Variants in NSF observed in about 807,000 individuals in gnomAD.
NSF encodes the protein N-ethylmaleimide sensitive factor, vesicle fusing ATPase.
NSF carries 14 observed loss-of-function variants against 50.3 expected under a neutral mutation model. That is an observed-to-expected ratio of 0.28 (90% CI 0.18 to 0.44). NSF has a LOEUF of 0.44. Among genes scored for constraint, NSF ranks in the 20% least tolerant of loss-of-function variants. NSF has a pLI of 1.00. For synonymous variants in NSF, 109 were observed against 175.7 expected, an observed-to-expected ratio of 0.62 and a Z score of 3.00; for missense variants, 218 against 504.3, an observed-to-expected ratio of 0.43 and a Z score of 5.44.
chr17:46,755,682 T>G, intron 20 of NSF, 120 bp from the exon 21 acceptor site: 2 of 1,100,110 alleles, frequency 1.8e-6, no homozygotes, highest in Non-Finnish European at 2.6e-6. Context: ...AGCAAATGCA[T>G]AGTGGGAAAT....
At chr17:46,736,382 G>C (rs1598728996) in intron 17 of NSF, among the ~76,000 whole-genome samples, 1 of 152,174 alleles carries the variant, frequency 6.6e-6, no homozygotes, top group East Asian at 1.9e-4. Flanking sequence ...CAACAAAGTG[G>C]TGCTTCACAG....
At chr17:46,722,772 A>G (rs2058845731) in intron 15 of NSF, among the ~76,000 whole-genome samples, 1 of 152,144 alleles carries the variant, frequency 6.6e-6, no homozygotes, top group African/African-American at 2.4e-5. Flanking sequence ...ATGTGTGTGT[A>G]TGTATGTATT....
chr17:46,738,334 A>G (rs1447864059), intron 17 of NSF, among the ~76,000 whole-genome samples: 1 of 152,226 alleles, frequency 6.6e-6, no homozygotes, highest in Admixed American at 6.5e-5. Context: ...ACTGGAGGGA[A>G]GAATAGAAAT....
At chr17:46,709,392 T>G (rs1396967949) in intron 13 of NSF, among the ~76,000 whole-genome samples, 1 of 152,080 alleles carries the variant, frequency 6.6e-6, no homozygotes, top group African/African-American at 2.4e-5. Context: ...ACGTTATATA[T>G]CTTGGGAGAG....
chr17:46,709,450 G>A (rs2058695892), intron 13 of NSF, among the ~76,000 whole-genome samples: 1 of 151,680 alleles, frequency 6.6e-6, no homozygotes, highest in Non-Finnish European at 1.5e-5. Context: ...TGTGAGGCTT[G>A]GAGTATATAA....
intron 15 of NSF, among the ~76,000 whole-genome samples, chr17:46,716,423 A>AT (rs2058770135): frequency 6.6e-6 from 1 of 151,710 alleles, no homozygotes; most frequent in Non-Finnish European, 1.5e-5. Context: ...TGCCTGGCTA[A>AT]TTTTTTTGTA....
At chr17:46,713,439 C>T (rs1425644476) in intron 14 of NSF, 1 of 158,398 alleles carries the variant, frequency 6.3e-6, no homozygotes, top group Non-Finnish European at 1.4e-5. Flanking sequence ...ACATTTGCTT[C>T]TAATAAGGCA....
chr17:46,735,129 A>G (rs2058987883), intron 17 of NSF, among the ~76,000 whole-genome samples: 1 of 152,324 alleles, frequency 6.6e-6, no homozygotes, highest in East Asian at 1.9e-4. Flanking sequence ...ATAAAATCAA[A>G]TTTTCAAAAT....
At chr17:46,707,999 C>T (rs939051965) in intron 13 of NSF, among the ~76,000 whole-genome samples, 13 of 149,144 alleles carry the variant, frequency 8.7e-5, no homozygotes, top group Non-Finnish European at 1.5e-4. Flanking sequence ...TGCCACTGCA[C>T]GCCAGCCTGG....
Position 46,726,611 on chromosome 17 carries a change from G to A in NSF, c.1824G>A (p.Leu608=). Residue 608 remains leucine, a synonymous_variant, in exon 16 of 21, where the codon TTG becomes TTA. Coordinates refer to ENST00000398238, the MANE Select transcript of NSF (RefSeq NM_006178.4). ...TGGTTGTGGATGACATTGAGAGATT[G>A]CTTGGTGAGTCCTAACTTCTGCTGT... is the stretch of plus-strand genomic sequence containing the variant. ...SCVVVDDIER[L]LDYVPIGPRF... is the part of the protein sequence containing the mutation. The A allele has an allele frequency of 6.2e-7, 1 of 1,613,634 alleles. No homozygotes were observed.
chr17:46,708,482 T>A (rs1208272689), intron 13 of NSF, among the ~76,000 whole-genome samples: 6 of 151,044 alleles, frequency 4.0e-5, no homozygotes, highest in Non-Finnish European at 8.8e-5. Context: ...CAACCATTTG[T>A]TACATATCCT....
rs535271548 is a variant in NSF, at chr17:46,688,296, A to C, written c.946-4607A>C. ...GAAGCCAAGGTGGGAGGATCACTTA[A>C]GTCTAGGAGTTCAAGACCAGCCTGG... On this transcript the variant is annotated intron_variant, in intron 9 of 20. Coordinates refer to ENST00000398238, the MANE Select transcript of NSF (RefSeq NM_006178.4). Among the ~76,000 whole-genome samples the C allele has an allele frequency of 4.5e-4, 68 of 150,988 alleles. 1 individual carries two copies. The highest frequency in any genetic ancestry group is 8.4e-4 in the Non-Finnish European group (57 of 67,936).
chr17:46,726,412 T>G, intron 15 of NSF, 137 bp from the exon 16 acceptor site: 1 of 790,026 alleles, frequency 1.3e-6, no homozygotes, highest in Non-Finnish European at 2.2e-6. Context: ...AGTGTGTCAA[T>G]TCTAATTTAT....
chr17:46,738,986 A>C (rs1229277618), intron 17 of NSF, among the ~76,000 whole-genome samples: 1 of 151,978 alleles, frequency 6.6e-6, no homozygotes, highest in Non-Finnish European at 1.5e-5. Context: ...CCGTAATCCC[A>C]GCACTTTGGG....
chr17:46,743,011 TTGC>T (rs2146325070), intron 17 of NSF, among the ~76,000 whole-genome samples: 1 of 152,280 alleles, frequency 6.6e-6, no homozygotes, highest in African/African-American at 2.4e-5. Context: ...TCCTCAGAAG[TTGC>T]TGCCTCTCCC....
chr17:46,749,630 C>T (rs1251596994), intron 17 of NSF, 143 bp from the exon 18 acceptor site: 19 of 734,054 alleles, frequency 2.6e-5, no homozygotes, highest in Middle Eastern at 4.1e-4. Context: ...CAGGAAAATC[C>T]TGAATTGTTT....
At chr17:46,755,191 CACAT>C in intron 19 of NSF, 119 bp from the exon 20 acceptor site, 1 of 705,680 alleles carries the variant, frequency 1.4e-6, no homozygotes, top group Admixed American at 2.1e-5. Context: ...GAGCAGGTAA[CACAT>C]TCAGTGACCT....
intron 15 of NSF, 92 bp downstream of exon 15, chr17:46,714,078 A>G: frequency 7.7e-7 from 1 of 1,306,220 alleles, no homozygotes; most frequent in Non-Finnish European, 1.0e-6. Flanking sequence ...ATACATATAA[A>G]CCCATAGCAA....
chr17:46,681,449 C>G (rs974341112), intron 9 of NSF, among the ~76,000 whole-genome samples: 2 of 136,130 alleles, frequency 1.5e-5, no homozygotes, highest in Non-Finnish European at 3.2e-5. Flanking sequence ...GTGATAGTGC[C>G]ACTGCACTCC....
Sources: allele counts gnomAD v4.1 joint callset (sites outside exome capture counted in the v4.1 genomes callset), GRCh38; gene constraint gnomAD v4.1.1; transcripts MANE v1.5; gene names NCBI Gene and HGNC (gene_info 2026-07-23, HGNC 2026-07-21).